Variants in RCSD1 observed in about 807,000 individuals in gnomAD.
RCSD1 encodes RCSD domain containing 1, also known as capZ-interacting protein.
In RCSD1, 26 loss-of-function variants were observed where a neutral mutation model predicts 42.5. The observed-to-expected ratio is 0.61, with a 90% confidence interval of 0.45 to 0.85. The LOEUF (loss-of-function observed/expected upper bound fraction) is 0.85, where lower values mean the gene tolerates loss of function less well. RCSD1 is among the 40% of genes least tolerant of loss of function. RCSD1 has a pLI of 0.00. For missense variants in RCSD1, 571 were observed against 528.3 expected (o/e 1.08, Z -0.79); for synonymous variants, 220 against 212.2 (o/e 1.04, Z -0.32).
chr1:167,694,020 C>G, intron 4 of RCSD1, 79 bp from the exon 5 acceptor site: 1 of 1,417,828 alleles, frequency 7.1e-7, no homozygotes, highest in Non-Finnish European at 9.9e-7. Flanking sequence ...AGGCCTGAGG[C>G]CAGATAACCA....
Position 167,683,931 on chromosome 1 carries a change from A to T in RCSD1, c.38A>T (p.Asp13Val). 1 of 1,614,212 alleles carries T rather than the reference A, an allele frequency of 6.2e-7. No homozygotes were observed. The highest frequency in any genetic ancestry group is 1.1e-5 in the South Asian group (1 of 91,090). The change falls in exon 2 of 7, where the codon GAC becomes GTC. Residue 13 changes from aspartate to valine, a missense_variant. Physicochemically the swap from Asp to Val is radical, Grantham distance 152. Transcript: ENST00000367854. ...CCGGCAGAGACCAATGCCAATGTGGACAACTCGGCGTCCCCCTCGGTGGCC... is the reference window on the plus strand; with the variant it reads ...CCGGCAGAGACCAATGCCAATGTGGTCAACTCGGCGTCCCCCTCGGTGGCC... ...ERPAETNANV[D>V]NSASPSVAQL...
chr1:167,636,489 C>T (rs1215126423), intron 1 of RCSD1, among the ~76,000 whole-genome samples: 7 of 152,178 alleles, frequency 4.6e-5, no homozygotes, highest in Non-Finnish European at 1.0e-4. Context: ...ACCTCCTGGC[C>T]TCGAGGTAGC....
chr1:167,630,493 C>T (rs971220159), intron 1 of RCSD1, 64 bp downstream of exon 1: 23 of 1,459,790 alleles, frequency 1.6e-5, no homozygotes, highest in Non-Finnish European at 2.0e-5. Flanking sequence ...GCCCCTTCCC[C>T]GGGCGGCTGC....
At chr1:167,686,661 T>C (rs939471124) in intron 3 of RCSD1, among the ~76,000 whole-genome samples, 1 of 152,206 alleles carries the variant, frequency 6.6e-6, no homozygotes, top group Non-Finnish European at 1.5e-5. Context: ...TTTCCTTGGG[T>C]CTCTTCAAGT....
intron 1 of RCSD1, among the ~76,000 whole-genome samples, chr1:167,676,634 T>A (rs1658958773): frequency 6.6e-6 from 1 of 152,006 alleles, no homozygotes; most frequent in African/African-American, 2.4e-5. Flanking sequence ...ACTGATAAAA[T>A]CCTGTCACTG....
chr1:167,635,580 C>G (rs150914798), intron 1 of RCSD1, among the ~76,000 whole-genome samples: 2 of 152,124 alleles, frequency 1.3e-5, no homozygotes, highest in Non-Finnish European at 2.9e-5. Context: ...TGAACACTGG[C>G]GGCTCAGCAG....
At chr1:167,671,948 G>A (rs759527839) in intron 1 of RCSD1, among the ~76,000 whole-genome samples, 8 of 152,106 alleles carry the variant, frequency 5.3e-5, no homozygotes, top group Non-Finnish European at 1.2e-4. Flanking sequence ...TACCCTTCAG[G>A]CTTGGCCAGT....
intron 6 of RCSD1, among the ~76,000 whole-genome samples, chr1:167,700,250 C>T (rs6427100): frequency 0.83 from 126,321 of 152,080 alleles, 53,005 homozygotes; most frequent in African/African-American, 0.96. Flanking sequence ...TTCTCACTCA[C>T]GCTAGATCAG....
At chr1:167,657,354 T>C (rs574397861) in intron 1 of RCSD1, among the ~76,000 whole-genome samples, 1 of 152,302 alleles carries the variant, frequency 6.6e-6, no homozygotes, top group Admixed American at 6.5e-5. Context: ...TGTCCTGTGA[T>C]TTGGATTTTT....
At chr1:167,693,743 C>T (rs1659431494) in intron 4 of RCSD1, among the ~76,000 whole-genome samples, 1 of 152,186 alleles carries the variant, frequency 6.6e-6, no homozygotes, top group Non-Finnish European at 1.5e-5. Flanking sequence ...AAGGGGATCA[C>T]AGAGCCTGAC....
At chr1:167,678,911 C>G (rs74632150) in intron 1 of RCSD1, among the ~76,000 whole-genome samples, 1 of 152,206 alleles carries the variant, frequency 6.6e-6, no homozygotes, top group African/African-American at 2.4e-5. Flanking sequence ...TGGGATTCAA[C>G]TCATGTGCTC....
At chr1:167,697,994 G>A in intron 6 of RCSD1, 152 bp downstream of exon 6, 1 of 1,037,048 alleles carries the variant, frequency 9.6e-7, no homozygotes, top group Non-Finnish European at 1.3e-6. Context: ...ACTTGTTGGA[G>A]AAAGGCTGTC....
rs34426324 is a variant in RCSD1 at position 167,675,207 on chromosome 1, GAAAAAAAAAA to G, written c.7-8677_7-8668del. ...GGTGACAGAATGAGACTCCATCTCG[GAAAAAAAAAA>G]AAAAAAAAAAAAAAAGCATACCCAA... On this transcript the variant is annotated intron_variant, in intron 1 of 6. Transcript: ENST00000367854. 1.2e-4 allele frequency among the ~76,000 whole-genome samples: 6 copies of G among 49,148 alleles called. 1 individual carries two copies. Among genetic ancestry groups the G allele is most frequent in the Non-Finnish European group, 1.7e-4 (5 of 28,576 alleles). 32.2% of individuals were successfully genotyped at this position (49,148 alleles called of 152,430 possible).
chr1:167,662,070 G>A (rs1234557), intron 1 of RCSD1, among the ~76,000 whole-genome samples: 22,134 of 152,076 alleles, frequency 0.15, 1,857 homozygotes, highest in Non-Finnish European at 0.17. Flanking sequence ...AGCCCTGTCT[G>A]TATCTATTCC....
intron 1 of RCSD1, among the ~76,000 whole-genome samples, chr1:167,644,488 AATACATACATACATACATAC>A (rs67816313): frequency 5.9e-4 from 45 of 76,770 alleles, no homozygotes; most frequent in Non-Finnish European, 7.9e-4. Context: ...TCAAAAAATA[AATACATACATACATACATAC>A]ATACATACAT....
At chr1:167,634,741 C>T (rs1657792329) in intron 1 of RCSD1, among the ~76,000 whole-genome samples, 1 of 152,210 alleles carries the variant, frequency 6.6e-6, no homozygotes, top group Non-Finnish European at 1.5e-5. Context: ...AAATTTCTAA[C>T]TTAGGTGGAG....
chr1:167,690,066 G>T lies in RCSD1; in HGVS notation c.216G>T (p.Ala72=). 1 of 1,613,996 alleles carries T rather than the reference G, an allele frequency of 6.2e-7. No individual in the cohort carries two copies. The highest frequency in any genetic ancestry group is 8.5e-7 in the Non-Finnish European group (1 of 1,180,012). The part of the protein sequence containing the change: ...QNGEEKSPPN[A]SHPPKFKVKS... ...CTCCATAGAAATCACCACCCAATGCGAGCCACCCTCCTAAATTCAAGGTCA... is the reference window on the plus strand; with the variant it reads ...CTCCATAGAAATCACCACCCAATGCTAGCCACCCTCCTAAATTCAAGGTCA... The change falls in exon 4 of 7, where the codon GCG becomes GCT. Residue 72 remains alanine (A), a synonymous_variant. Transcript: ENST00000367854.
intron 1 of RCSD1, among the ~76,000 whole-genome samples, chr1:167,676,767 G>A (rs927367971): frequency 6.6e-6 from 1 of 152,196 alleles, no homozygotes; most frequent in Non-Finnish European, 1.5e-5. Context: ...ACCCTCCCAG[G>A]CACCAGAGGC....
chr1:167,678,076 A>G (rs1434545957), intron 1 of RCSD1, among the ~76,000 whole-genome samples: 1 of 152,316 alleles, frequency 6.6e-6, no homozygotes, highest in African/African-American at 2.4e-5. Context: ...CCACTGGAAT[A>G]ACAGGACCAG....
Sources: gnomAD v4.1 joint callset for allele counts (sites outside exome capture counted in the v4.1 genomes callset) on GRCh38, gnomAD v4.1.1 for gene constraint, MANE v1.5 for transcripts, NCBI Gene and HGNC (gene_info 2026-07-23, HGNC 2026-07-21) for gene names.